The following SHROOM3 variants were observed in gnomAD, a reference collection of about 807,000 sequenced individuals.
SHROOM3 encodes protein Shroom3.
A neutral mutation model predicts 138.6 loss-of-function variants in SHROOM3; 47 were observed. That is an observed-to-expected ratio of 0.34 (90% CI 0.27 to 0.43). The LOEUF is 0.43. Ranked by LOEUF, SHROOM3 falls within the 20% of genes least tolerant of loss-of-function variation. SHROOM3 has a pLI of 1.00. For missense variants in SHROOM3, 2,491 were observed against 2,596.5 expected (o/e 0.96, Z 0.88); for synonymous variants, 1,062 against 1,063.3 (o/e 1.00, Z 0.02).
chr4:76,633,542 A>G (rs1735396212), intron 2 of SHROOM3, among the ~76,000 whole-genome samples: 1 of 150,686 alleles, frequency 6.6e-6, no homozygotes, highest in Admixed American at 6.6e-5. Context: ...TGTAAGTCCC[A>G]GCTATGCGGG....
chr4:76,697,849 G>A (rs1177617168), intron 2 of SHROOM3, among the ~76,000 whole-genome samples: 1 of 152,148 alleles, frequency 6.6e-6, no homozygotes, highest in Non-Finnish European at 1.5e-5. Flanking sequence ...AATTCCCCTG[G>A]AGAGCACAGG....
chr4:76,719,193 A>C (rs1307642130), intron 3 of SHROOM3, among the ~76,000 whole-genome samples: 1 of 152,224 alleles, frequency 6.6e-6, no homozygotes, highest in Non-Finnish European at 1.5e-5. Flanking sequence ...TCTGAGATCC[A>C]TGACAGTCTT....
chr4:76,457,059 A>T (rs753215854), intron 1 of SHROOM3, among the ~76,000 whole-genome samples: 4 of 152,234 alleles, frequency 2.6e-5, no homozygotes, highest in Non-Finnish European at 5.9e-5. Context: ...GTGGATCTTC[A>T]GGTACTTCAG....
intron 1 of SHROOM3, among the ~76,000 whole-genome samples, chr4:76,530,458 T>C (rs1025887584): frequency 2.0e-5 from 3 of 152,218 alleles, no homozygotes; most frequent in Admixed American, 6.5e-5. Context: ...CTCCAGGGTC[T>C]TGTTAATCTC....
intron 5 of SHROOM3, among the ~76,000 whole-genome samples, chr4:76,747,768 G>T (rs1432528306): frequency 2.0e-5 from 3 of 152,134 alleles, no homozygotes; most frequent in Non-Finnish European, 4.4e-5. Flanking sequence ...TGATATTTGA[G>T]TGAATCAGAA....
At chr4:76,770,324 CAAAAA>C (rs529468839) in intron 9 of SHROOM3, among the ~76,000 whole-genome samples, 214 of 36,068 alleles carry the variant, frequency 5.9e-3, no homozygotes, top group Middle Eastern at 0.02. Flanking sequence ...AACTCTGTCT[CAAAAA>C]AAAAAAAAAA....
At chr4:76,736,418 G>C (rs1183496533) in intron 4 of SHROOM3, among the ~76,000 whole-genome samples, 3 of 152,132 alleles carry the variant, frequency 2.0e-5, no homozygotes, top group Non-Finnish European at 4.4e-5. Flanking sequence ...CTTGAGGAGA[G>C]CTGCTGAAAG....
At chr4:76,760,658 C>T (rs1005245398) in intron 9 of SHROOM3, among the ~76,000 whole-genome samples, 1 of 152,216 alleles carries the variant, frequency 6.6e-6, no homozygotes, top group Non-Finnish European at 1.5e-5. Flanking sequence ...CTTTGCAGCA[C>T]CTCTGGGTCA....
In SHROOM3 at chr4:76,598,306, G is replaced by A. The variant is rs184670798; in HGVS notation, c.323+42543G>A. On this transcript the variant is annotated intron_variant, in intron 2 of 10. Transcript: ENST00000296043. ...CTCCGAAAGTCCTGGGATTACAGGC[G>A]TGAGCCACCACACCTGGCCAAAAAA... Among the ~76,000 whole-genome samples the A allele has an allele frequency of 3.5e-3, 526 of 152,220 alleles. 1 individual carries two copies. Among genetic ancestry groups the A allele is most frequent in the African/African-American group, 0.012 (501 of 41,538 alleles).
At chr4:76,441,825 C>G (rs952628984) in intron 1 of SHROOM3, among the ~76,000 whole-genome samples, 1 of 152,116 alleles carries the variant, frequency 6.6e-6, no homozygotes, top group Non-Finnish European at 1.5e-5. Flanking sequence ...TGGGTTCAAG[C>G]GATTCTCCTG....
chr4:76,518,500 CTTCCTTCCTTCT>C (rs1041923463), intron 1 of SHROOM3, among the ~76,000 whole-genome samples: 1 of 96,246 alleles, frequency 1.0e-5, no homozygotes, highest in African/African-American at 3.9e-5. Flanking sequence ...GCCTGCCTTC[CTTCCTTCCTTCT>C]TTCCTTCCTT....
chr4:76,514,730 T>C (rs1468295314), intron 1 of SHROOM3, among the ~76,000 whole-genome samples: 1 of 152,128 alleles, frequency 6.6e-6, no homozygotes, highest in Non-Finnish European at 1.5e-5. Flanking sequence ...ATATTAAACA[T>C]TTAAAATATA....
chr4:76,482,803 C>G (rs913663293), intron 1 of SHROOM3, among the ~76,000 whole-genome samples: 1 of 152,066 alleles, frequency 6.6e-6, no homozygotes, highest in Non-Finnish European at 1.5e-5. Context: ...AAAACAGATA[C>G]ATAGACCAAT....
At chr4:76,552,741 T>C (rs1489060892) in intron 1 of SHROOM3, among the ~76,000 whole-genome samples, 1 of 151,138 alleles carries the variant, frequency 6.6e-6, no homozygotes, top group African/African-American at 2.5e-5. Flanking sequence ...TTTATGTATC[T>C]TGAGACCTAT....
intron 2 of SHROOM3, among the ~76,000 whole-genome samples, chr4:76,560,944 TAC>T (rs1390053419): frequency 2.6e-5 from 4 of 152,310 alleles, no homozygotes; most frequent in East Asian, 1.9e-4. Flanking sequence ...TGGTATTTAG[TAC>T]AGTTATTAAA....
In SHROOM3 at chr4:76,754,525, G is replaced by A. The variant is rs1406800553; in HGVS notation, c.4042G>A (p.Ala1348Thr). 2 of 1,613,732 alleles carry A rather than the reference G, an allele frequency of 1.2e-6. No homozygotes were observed. The highest frequency in any genetic ancestry group is 1.7e-6 in the Non-Finnish European group (2 of 1,179,752). ...GTQGLVTDTR[A>T]APLTPIGTPL... ...GCAAGGGCTGGTCACAGACACCAGG[G>A]CTGCACCCCTGACCCCAATTGGCAC... Residue 1348 changes from alanine to threonine, a missense_variant, in exon 7 of 11, where the codon GCT becomes ACT. Physicochemically the swap from Ala to Thr is moderately conservative, Grantham distance 58. Around this residue, in one of 4 missense-constraint regions of SHROOM3, gnomAD observed 1,733 missense variants for 1,661.6 expected, o/e 1.04. Coordinates refer to ENST00000296043, the MANE Select transcript of SHROOM3 (RefSeq NM_020859.4).
At chr4:76,436,856 A>G (rs140511852) in intron 1 of SHROOM3, among the ~76,000 whole-genome samples, 83 of 152,330 alleles carry the variant, frequency 5.4e-4, no homozygotes, top group African/African-American at 1.9e-3. Context: ...TGAAATATTT[A>G]TGTACTGGGG....
At position 76,749,163 on chromosome 4, in the gene SHROOM3, C is replaced by T. The variant is rs920263784; in HGVS notation, c.3827+73C>T. Reference sequence around the variant, plus strand: ...GTTAAACTACTCTTGTTCCTTTCTACAAGAAATTGAAATGTGATGTCATAT... The same window carrying T: ...GTTAAACTACTCTTGTTCCTTTCTATAAGAAATTGAAATGTGATGTCATAT... On this transcript the variant is annotated intron_variant, in intron 6 of 10. Transcript: ENST00000296043. 1.4e-5 allele frequency: 19 copies of T among 1,395,996 alleles called. No individual in the cohort carries two copies. In the Admixed American group the frequency reaches 3.0e-4, roughly 22 times the overall value. The allele number at this position is 1,395,996 out of a possible 1,614,324, so 86.5% of individuals were successfully genotyped here. A position where few individuals can be genotyped will look rare whatever the true frequency, so the allele number is the denominator to read the frequency against.
In SHROOM3 at chr4:76,754,570, C is replaced by T; in HGVS notation, c.4087C>T (p.Pro1363Ser). 3 of 1,614,098 alleles carry T rather than the reference C, an allele frequency of 1.9e-6. No homozygotes were observed. The highest frequency in any genetic ancestry group is 2.5e-6 in the Non-Finnish European group (3 of 1,179,984). Residue 1363 changes from proline (P) to serine (S), a missense_variant, in exon 7 of 11, where the codon CCC becomes TCC. This residue lies in a region of SHROOM3 where 1,733 missense variants were observed against 1,661.6 expected (regional missense o/e 1.04). Coordinates refer to ENST00000296043, the MANE Select transcript of SHROOM3 (RefSeq NM_020859.4). ...TGGCACCCCTCTGCCTTCAGCCATT[C>T]CCTCTGGCTACTGCTCACAGGACGG... ...PIGTPLPSAI[P>S]SGYCSQDGQT...
Sources: gnomAD v4.1 joint callset for allele counts (sites outside exome capture counted in the v4.1 genomes callset) on GRCh38, gnomAD v4.1.1 for gene constraint, gnomAD v4.1.1 regional missense constraint, MANE v1.5 for transcripts, NCBI Gene and HGNC (gene_info 2026-07-23, HGNC 2026-07-21) for gene names.